NIT2: variants seen among roughly 807,000 people sequenced by gnomAD.
NIT2 encodes the protein omega-amidase NIT2.
A neutral mutation model predicts 42.7 loss-of-function variants in NIT2; 46 were observed. The ratio of observed to expected loss-of-function variants is 1.08; its 90% CI spans 0.85 to 1.38. NIT2 has a LOEUF of 1.38. Among genes scored for constraint, NIT2 ranks in the 40% most tolerant of loss-of-function variants. NIT2 has a pLI of 0.00. For synonymous variants in NIT2, 123 were observed against 121.9 expected (o/e 1.01, Z -0.06); for missense variants, 309 against 342.5 (o/e 0.90, Z 0.77).
rs1241598933 is a variant in NIT2 at position 100,356,989 on chromosome 3, ACTT to A, written c.*1725_*1727del. On this transcript the variant is annotated 3_prime_UTR_variant, in exon 10 of 10. Transcript: ENST00000394140. ...TGTATGTCTTCTTTCACTCAAAATTACTTCTTTCATTTTTAGACGGAAGCATTT... is the reference window on the plus strand; with the variant it reads ...TGTATGTCTTCTTTCACTCAAAATTACTTTCATTTTTAGACGGAAGCATTT... The A allele has an allele frequency of 6.6e-5, 10 of 152,168 alleles. No homozygotes were observed. Among genetic ancestry groups the A allele is most frequent in the Admixed American group, 5.9e-4 (9 of 15,266 alleles). 9.4% of individuals were successfully genotyped at this position (152,168 alleles called of 1,614,324 possible).
At chr3:100,347,532 T>C (rs1706229547) in intron 6 of NIT2, among the ~76,000 whole-genome samples, 1 of 152,160 alleles carries the variant, frequency 6.6e-6, no homozygotes, top group African/African-American at 2.4e-5. Flanking sequence ...TGGACTCAAG[T>C]GATCCTCCCA....
intron 4 of NIT2, among the ~76,000 whole-genome samples, chr3:100,343,049 GC>G (rs1333916647): frequency 6.7e-6 from 1 of 149,124 alleles, no homozygotes; most frequent in Admixed American, 6.7e-5. Context: ...TTGTTATCTA[GC>G]CTTTTTTTTT....
chr3:100,354,827 G>C lies in NIT2; in HGVS notation c.739G>C (p.Asp247His). ...AGAAGCAATCGTGTATTCAGACATA[G>C]GTAAGATTTTCCTGGGCATGGTTTA... is the stretch of plus-strand genomic sequence containing the variant. Reference protein sequence around the residue: ...TEEAIVYSDIDLKKLAEIRQQ... With the variant: ...TEEAIVYSDIHLKKLAEIRQQ... The change falls in exon 9 of 10, where the codon GAC becomes CAC. Residue 247 changes from aspartate (D) to histidine (H), a missense_variant and splice_region_variant. By Grantham distance (81) the Asp-to-His change is moderately conservative. Coordinates refer to ENST00000394140, the MANE Select transcript of NIT2 (RefSeq NM_020202.5). 6.2e-7 allele frequency: 1 copy of C among 1,610,820 alleles called. No individual in the cohort carries two copies. The highest frequency in any genetic ancestry group is 1.1e-5 in the South Asian group (1 of 89,946).
intron 6 of NIT2, among the ~76,000 whole-genome samples, chr3:100,346,525 A>C (rs955325671): frequency 6.6e-6 from 1 of 152,194 alleles, no homozygotes; most frequent in Non-Finnish European, 1.5e-5. Context: ...CTGTGTTTGG[A>C]GAGTCACTTG....
intron 1 of NIT2, among the ~76,000 whole-genome samples, chr3:100,336,134 A>T (rs995678625): frequency 6.6e-6 from 1 of 152,216 alleles, no homozygotes; most frequent in African/African-American, 2.4e-5. Flanking sequence ...GGAATGGGAC[A>T]TCTGAGTTTT....
Position 100,348,786 on chromosome 3 carries a change from G to A in NIT2, c.506-17G>A. On this transcript the variant is annotated splice_polypyrimidine_tract_variant and intron_variant, in intron 6 of 9. Coordinates refer to ENST00000394140, the MANE Select transcript of NIT2 (RefSeq NM_020202.5). ...TGCTCACTGCATCCACTGTTCTTTG[G>A]CTTTTCTCTCCCCAAGGCTGCCAGC... 6.2e-7 allele frequency: 1 copy of A among 1,612,548 alleles called. No individual in the cohort carries two copies. The highest frequency in any genetic ancestry group is 8.5e-7 in the Non-Finnish European group (1 of 1,178,664).
chr3:100,352,159 G>A (rs891659558), intron 7 of NIT2, among the ~76,000 whole-genome samples: 4 of 152,206 alleles, frequency 2.6e-5, no homozygotes, highest in African/African-American at 9.7e-5. Context: ...TACACTGTTG[G>A]TGGGACTGTA....
At chr3:100,354,147 C>T (rs917414200) in intron 8 of NIT2, among the ~76,000 whole-genome samples, 4 of 152,182 alleles carry the variant, frequency 2.6e-5, no homozygotes, top group African/African-American at 9.7e-5. Flanking sequence ...GTGCAGGGCT[C>T]CTGCCAGTGT....
chr3:100,352,767 A>C (rs1421127944), intron 8 of NIT2, among the ~76,000 whole-genome samples: 1 of 152,192 alleles, frequency 6.6e-6, no homozygotes, highest in East Asian at 1.9e-4. Context: ...TGTCAGTCAT[A>C]CTTGGATCAC....
At chr3:100,347,691 C>T (rs1004510237) in intron 6 of NIT2, among the ~76,000 whole-genome samples, 1 of 152,034 alleles carries the variant, frequency 6.6e-6, no homozygotes, top group African/African-American at 2.4e-5. Flanking sequence ...CTAGGGGAGG[C>T]CCCCAAACAC....
In NIT2 at chr3:100,358,893, G is replaced by A. The variant is rs1303351821; in HGVS notation, c.*3625G>A. On this transcript the variant is annotated 3_prime_UTR_variant, in exon 10 of 10. Transcript: ENST00000394140. Reference sequence around the variant, plus strand: ...GCATTGCTGTGTAAGTTTTGGTGGTGCGTGGGTACAATGAAGCCAGGAGGG... The same window carrying A: ...GCATTGCTGTGTAAGTTTTGGTGGTACGTGGGTACAATGAAGCCAGGAGGG... 1 of 152,238 alleles carries A rather than the reference G, an allele frequency of 6.6e-6. No homozygotes were observed. The highest frequency in any genetic ancestry group is 1.9e-4 in the East Asian group (1 of 5,200). The allele number at this position is 152,238 out of a possible 1,614,324, so 9.4% of individuals were successfully genotyped here.
intron 7 of NIT2, among the ~76,000 whole-genome samples, chr3:100,351,524 TA>T: frequency 6.6e-6 from 1 of 152,256 alleles, no homozygotes; most frequent in African/African-American, 2.4e-5. Context: ...CCCTATTTAA[TA>T]AATGGTGCTG....
At chr3:100,337,817 G>A (rs554587371) in intron 1 of NIT2, among the ~76,000 whole-genome samples, 2 of 152,314 alleles carry the variant, frequency 1.3e-5, no homozygotes, top group South Asian at 4.1e-4. Context: ...AATCGCAGCA[G>A]TTTGAGAGGC....
intron 1 of NIT2, among the ~76,000 whole-genome samples, chr3:100,335,990 C>G (rs1204070897): frequency 6.6e-6 from 1 of 152,294 alleles, no homozygotes; most frequent in East Asian, 1.9e-4. Flanking sequence ...GATAACAGCT[C>G]AAAATATCTG....
At chr3:100,343,141 G>A (rs1317276785) in intron 4 of NIT2, among the ~76,000 whole-genome samples, 2 of 150,596 alleles carry the variant, frequency 1.3e-5, no homozygotes, top group African/African-American at 2.4e-5. Context: ...CTTCTTTCAA[G>A]TGTTTTCATA....
Position 100,349,122 on chromosome 3 carries a change from T to G in NIT2, c.584+241T>G, listed in dbSNP as rs548671168. Reference sequence around the variant, plus strand: ...TGGAAACTGTACTTTTTTTTTTTTTTTTTTCTTTTTAAGAGACGGGTCTTA... The same window carrying G: ...TGGAAACTGTACTTTTTTTTTTTTTGTTTTCTTTTTAAGAGACGGGTCTTA... On this transcript the variant is annotated intron_variant, in intron 7 of 9. Transcript: ENST00000394140. 45 of 388,106 alleles carry G rather than the reference T, an allele frequency of 1.2e-4. 1 individual carries two copies. The highest frequency in any genetic ancestry group is 8.8e-4 in the African/African-American group (42 of 47,960). The allele number at this position is 388,106 out of a possible 1,614,324, so 24.0% of individuals were successfully genotyped here.
chr3:100,347,108 T>G (rs1427845984), intron 6 of NIT2, among the ~76,000 whole-genome samples: 2 of 152,170 alleles, frequency 1.3e-5, no homozygotes, highest in Non-Finnish European at 2.9e-5. Flanking sequence ...TTTGTTTGTT[T>G]TTTTGAGACA....
intron 1 of NIT2, among the ~76,000 whole-genome samples, chr3:100,338,814 A>T (rs546039354): frequency 1.3e-5 from 2 of 152,268 alleles, no homozygotes; most frequent in South Asian, 4.2e-4. Flanking sequence ...CTATCTCCAG[A>T]TAGATTTTAG....
intron 1 of NIT2, 113 bp from the exon 2 acceptor site, chr3:100,338,974 A>G (rs1034837788): frequency 9.1e-6 from 7 of 765,538 alleles, no homozygotes; most frequent in African/African-American, 3.4e-5. Flanking sequence ...ATCTTCAGAC[A>G]TTGTCAGATG....
Sources: gnomAD v4.1 joint callset for allele counts (sites outside exome capture counted in the v4.1 genomes callset) on GRCh38, gnomAD v4.1.1 for gene constraint, MANE v1.5 for transcripts, NCBI Gene and HGNC (gene_info 2026-07-23, HGNC 2026-07-21) for gene names.